The following NCAPH2 variants were observed in gnomAD, a reference collection of about 807,000 sequenced individuals.
NCAPH2 encodes the protein non-SMC condensin II complex subunit H2.
A neutral mutation model predicts 88.6 loss-of-function variants in NCAPH2; 56 were observed. The observed-to-expected ratio is 0.63, with a 90% CI of 0.51 to 0.79. NCAPH2 has a LOEUF of 0.79. NCAPH2 is among the 30% of genes least tolerant of loss of function. The pLI, the probability that NCAPH2 is intolerant of heterozygous loss-of-function variation, is 0.00. For synonymous variants in NCAPH2, 378 were observed against 313.6 expected (o/e 1.21, Z -2.17); for missense variants, 794 against 792.0 (o/e 1.00, Z -0.03).
intron 1 of NCAPH2, chr22:50,515,694 C>A (rs1569520310): frequency 6.2e-6 from 6 of 970,606 alleles, no homozygotes; most frequent in South Asian, 4.4e-5. Flanking sequence ...CCGCACCCGG[C>A]CTTTTTTTTT....
At position 50,523,239 on chromosome 22, in the gene NCAPH2, A is replaced by G. The variant is rs1208212429; in HGVS notation, c.1682A>G (p.Asn561Ser). ...RSMLASLQLA[N>S]DYTVEITQQP... ...GCTGATGTGCCACCCCTGCAGGCCAATGACTACACAGTGGAGATAACCCAG... is the reference window on the plus strand; with the variant it reads ...GCTGATGTGCCACCCCTGCAGGCCAGTGACTACACAGTGGAGATAACCCAG... The change falls in exon 20 of 20, where the codon AAT becomes AGT. Residue 561 changes from asparagine to serine, a missense_variant. Asn to Ser is a conservative substitution (Grantham distance 46). This residue lies in a region of NCAPH2 where 735 missense variants were observed against 696.3 expected (regional missense o/e 1.06). Transcript: ENST00000420993. 4.3e-6 allele frequency: 7 copies of G among 1,613,086 alleles called. No individual in the cohort carries two copies. Among genetic ancestry groups the G allele is most frequent in the Admixed American group, 3.3e-5 (2 of 59,906 alleles).
At chr22:50,513,955 A>C (rs1603440681) in intron 1 of NCAPH2, among the ~76,000 whole-genome samples, 2 of 152,104 alleles carry the variant, frequency 1.3e-5, no homozygotes, top group Admixed American at 1.3e-4. Flanking sequence ...GAAGGATTGG[A>C]GTTTTTACAA....
chr22:50,509,289 C>T (rs61224378), intron 1 of NCAPH2, among the ~76,000 whole-genome samples: 46 of 152,286 alleles, frequency 3.0e-4, no homozygotes, highest in African/African-American at 1.1e-3. Flanking sequence ...CTAGATCTTT[C>T]CTCCAAATCT....
intron 9 of NCAPH2, chr22:50,520,317 T>C (rs1286459427): frequency 1.3e-5 from 2 of 152,270 alleles, no homozygotes; most frequent in Non-Finnish European, 2.9e-5. Context: ...AGTGGCCTGA[T>C]CTTGGCTCAT....
intron 1 of NCAPH2, among the ~76,000 whole-genome samples, chr22:50,512,021 C>T (rs2068798057): frequency 1.3e-5 from 2 of 152,150 alleles, no homozygotes; most frequent in South Asian, 4.1e-4. Context: ...CTCTTGACCT[C>T]GTGATCCGCC....
In NCAPH2 at chr22:50,518,296, G is replaced by A; in HGVS notation, c.646+18G>A. ...CCAGAAGGGTGAGGGCTTGGATGCG[G>A]GGGGCTTGGTGGGAAGGAAGGGAGG... On this transcript the variant is annotated intron_variant, in intron 7 of 19. Transcript: ENST00000420993. The A allele has an allele frequency of 6.2e-7, 1 of 1,609,258 alleles. No homozygotes were observed. The highest frequency in any genetic ancestry group is 8.5e-7 in the Non-Finnish European group (1 of 1,178,320).
rs2069193549 is a variant in NCAPH2 at position 50,523,766 on chromosome 22, C to T, written c.*391C>T. Reference sequence around the variant, plus strand: ...TGGTCCACGATGTAGTCCTGGTCCTCATCCTTGGGGCCTGCATTGTAGTAC... The same window carrying T: ...TGGTCCACGATGTAGTCCTGGTCCTTATCCTTGGGGCCTGCATTGTAGTAC... On this transcript the variant is annotated 3_prime_UTR_variant, in exon 20 of 20. Transcript: ENST00000420993. 1.9e-6 allele frequency: 3 copies of T among 1,614,192 alleles called. No individual in the cohort carries two copies. The highest frequency in any genetic ancestry group is 2.5e-6 in the Non-Finnish European group (3 of 1,180,028).
chr22:50,521,319 C>T lies in NCAPH2; in HGVS notation c.934-224C>T, dbSNP rs9616861. ...AGGCGGCTGTGCACCCCCTACTCCT[C>T]TGGGAGGGTGGCTGTGTACCCCCTA... On this transcript the variant is annotated intron_variant, in intron 10 of 19. Coordinates refer to ENST00000420993, the MANE Select transcript of NCAPH2 (RefSeq NM_152299.4). 2.1e-4 allele frequency among the ~76,000 whole-genome samples: 13 copies of T among 62,100 alleles called. No individual in the cohort carries two copies. In the South Asian group the frequency reaches 5.3e-3, roughly 25 times the overall value. The allele number at this position is 62,100 out of a possible 152,430, so 40.7% of individuals were successfully genotyped here. A position where few individuals can be genotyped will look rare whatever the true frequency, so the allele number is the denominator to read the frequency against.
rs769250383 is a variant in NCAPH2 at position 50,523,705 on chromosome 22, A to G, written c.*330A>G. On this transcript the variant is annotated 3_prime_UTR_variant, in exon 20 of 20. Transcript: ENST00000420993. ...GCTCCGGCCGTAGTAATCCGTGAAGAGGCCGTCAGGGTTGAGCAGGTAGAT... is the reference window on the plus strand; with the variant it reads ...GCTCCGGCCGTAGTAATCCGTGAAGGGGCCGTCAGGGTTGAGCAGGTAGAT... The G allele has an allele frequency of 1.2e-6, 2 of 1,614,172 alleles. No individual in the cohort carries two copies. Among genetic ancestry groups the G allele is most frequent in the Non-Finnish European group, 1.7e-6 (2 of 1,180,018 alleles).
At chr22:50,509,266 C>T (rs139919086) in intron 1 of NCAPH2, among the ~76,000 whole-genome samples, 1 of 152,326 alleles carries the variant, frequency 6.6e-6, no homozygotes, top group African/African-American at 2.4e-5. Flanking sequence ...ACTACCAGAT[C>T]TGCAGCTCCA....
intron 10 of NCAPH2, 150 bp downstream of exon 10, chr22:50,521,186 G>C (rs9616860): frequency 2.4e-6 from 2 of 838,962 alleles, no homozygotes; most frequent in Non-Finnish European, 3.7e-6. Flanking sequence ...CCCCTCATGC[G>C]ACTCTGGGCT....
chr22:50,522,586 C>T lies in NCAPH2; in HGVS notation c.1375+17C>T, dbSNP rs771021203. The T allele has an allele frequency of 1.8e-5, 29 of 1,613,384 alleles. No individual in the cohort carries two copies. Among genetic ancestry groups the T allele is most frequent in the Middle Eastern group, 3.3e-4 (2 of 6,080 alleles). On this transcript the variant is annotated intron_variant, in intron 16 of 19. Coordinates refer to ENST00000420993, the MANE Select transcript of NCAPH2 (RefSeq NM_152299.4). ...CTGACCTTGGTAGGTGGGCAGCGGG[C>T]TAGGAGTGCTGAGGGGCCACTGGAG...
At position 50,523,520 on chromosome 22, in the gene NCAPH2, C is replaced by T. The variant is rs928679322; in HGVS notation, c.*145C>T. 28 of 1,557,982 alleles carry T rather than the reference C, an allele frequency of 1.8e-5. No individual in the cohort carries two copies. The highest frequency in any genetic ancestry group is 2.4e-5 in the Non-Finnish European group (27 of 1,146,978). On this transcript the variant is annotated 3_prime_UTR_variant, in exon 20 of 20. Transcript: ENST00000420993. Reference sequence around the variant, plus strand: ...ATGTACACCTGCGCAGAGAAGAGGGCTGCCTGGCCTCCCTGGGCCGCTGGT... The same window carrying T: ...ATGTACACCTGCGCAGAGAAGAGGGTTGCCTGGCCTCCCTGGGCCGCTGGT...
chr22:50,517,242 A>G (rs2068949967), intron 2 of NCAPH2, among the ~76,000 whole-genome samples, 185 bp from the exon 3 acceptor site: 1 of 152,238 alleles, frequency 6.6e-6, no homozygotes, highest in Non-Finnish European at 1.5e-5. Flanking sequence ...TCAGCTGGTA[A>G]AGTAATTCTC....
rs568442647 is a variant in NCAPH2, at chr22:50,517,829, C to T, written c.420+20C>T. ...CCCAGTGTGAGTCCTGGCCTGGCCC[C>T]TCTTAGGCTGGGGTGAGGTCAGCAC... On this transcript the variant is annotated intron_variant, in intron 5 of 19. Coordinates refer to ENST00000420993, the MANE Select transcript of NCAPH2 (RefSeq NM_152299.4). 13 of 1,613,144 alleles carry T rather than the reference C, an allele frequency of 8.1e-6. No individual in the cohort carries two copies. Among genetic ancestry groups the T allele is most frequent in the South Asian group, 1.1e-5 (1 of 91,002 alleles).
chr22:50,523,700 T>C lies in NCAPH2; in HGVS notation c.*325T>C, dbSNP rs747801399. On this transcript the variant is annotated 3_prime_UTR_variant, in exon 20 of 20. Coordinates refer to ENST00000420993, the MANE Select transcript of NCAPH2 (RefSeq NM_152299.4). ...GATCTGCTCCGGCCGTAGTAATCCG[T>C]GAAGAGGCCGTCAGGGTTGAGCAGG... 1.9e-6 allele frequency: 3 copies of C among 1,614,142 alleles called. No homozygotes were observed. The South Asian group carries it at 3.3e-5, about 18-fold the overall frequency.
At chr22:50,521,104 C>T in intron 10 of NCAPH2, 68 bp downstream of exon 10, 1 of 1,512,036 alleles carries the variant, frequency 6.6e-7, no homozygotes. Flanking sequence ...GCTGCCTGCC[C>T]ATCATGCTCT....
chr22:50,509,631 T>G (rs1029803636), intron 1 of NCAPH2, among the ~76,000 whole-genome samples: 1 of 152,216 alleles, frequency 6.6e-6, no homozygotes. Flanking sequence ...TTATCCCTGT[T>G]TTTGTCCCGT....
intron 1 of NCAPH2, 138 bp from the exon 2 acceptor site, chr22:50,516,309 C>T (rs375273593): frequency 1.2e-5 from 8 of 687,690 alleles, no homozygotes; most frequent in Middle Eastern, 3.0e-4. Context: ...CAGGGACAAC[C>T]GGTGAGCCCA....
Sources: allele counts gnomAD v4.1 joint callset (sites outside exome capture counted in the v4.1 genomes callset), GRCh38; gene constraint gnomAD v4.1.1; regional missense constraint gnomAD v4.1.1; transcripts MANE v1.5; gene names NCBI Gene and HGNC (gene_info 2026-07-23, HGNC 2026-07-21).